GALNTL6: variants seen among roughly 807,000 people sequenced by gnomAD.
GALNTL6 encodes the protein polypeptide N-acetylgalactosaminyltransferase like 6, also known as polypeptide N-acetylgalactosaminyltransferase-like 6.
GALNTL6 carries 46 observed loss-of-function variants against 73.7 expected under a neutral mutation model. The observed-to-expected ratio is 0.62, with a 90% CI of 0.49 to 0.80. The LOEUF (loss-of-function observed/expected upper bound fraction) is 0.80. GALNTL6 is among the 30% of genes least tolerant of loss of function. GALNTL6 has a pLI of 0.00. For synonymous variants in GALNTL6, 259 were observed against 263.7 expected (o/e 0.98, Z 0.17); for missense variants, 604 against 755.0 (o/e 0.80, Z 2.34).
intron 2 of GALNTL6, among the ~76,000 whole-genome samples, chr4:171,845,527 T>C (rs1383431850): frequency 6.6e-6 from 1 of 152,218 alleles, no homozygotes; most frequent in South Asian, 2.1e-4. Context: ...GATGTAAATG[T>C]GGTCCTAAGT....
chr4:171,854,622 C>A (rs1735633307), intron 2 of GALNTL6, among the ~76,000 whole-genome samples: 1 of 152,126 alleles, frequency 6.6e-6, no homozygotes, highest in Non-Finnish European at 1.5e-5. Flanking sequence ...ATATAAACAA[C>A]TGAAGTTTAT....
chr4:171,977,789 T>C (rs1229161466), intron 2 of GALNTL6, among the ~76,000 whole-genome samples: 1 of 152,224 alleles, frequency 6.6e-6, no homozygotes, highest in Non-Finnish European at 1.5e-5. Context: ...TACTTTTGAT[T>C]TTCTGGAATT....
chr4:173,007,638 C>G (rs1414675379), intron 10 of GALNTL6, among the ~76,000 whole-genome samples: 1 of 152,118 alleles, frequency 6.6e-6, no homozygotes, highest in African/African-American at 2.4e-5. Flanking sequence ...GAAACCCCAT[C>G]TCTATAAAAA....
chr4:172,668,840 G>T (rs1731815117), intron 5 of GALNTL6: 1 of 152,152 alleles, frequency 6.6e-6, no homozygotes, highest in African/African-American at 2.4e-5. Flanking sequence ...GAGTGCAGCA[G>T]CTGTGTTTCT....
intron 10 of GALNTL6, among the ~76,000 whole-genome samples, chr4:172,984,886 T>A (rs1751225643): frequency 6.6e-6 from 1 of 152,166 alleles, no homozygotes; most frequent in South Asian, 2.1e-4. Flanking sequence ...ATAATGAACA[T>A]TTTTTATGCA....
chr4:171,836,858 A>G (rs545792597), intron 2 of GALNTL6, among the ~76,000 whole-genome samples: 2 of 152,314 alleles, frequency 1.3e-5, no homozygotes, highest in East Asian at 3.9e-4. Flanking sequence ...TCTCTTCATT[A>G]TAGAAGAGAG....
intron 5 of GALNTL6, among the ~76,000 whole-genome samples, chr4:172,466,419 T>A (rs1046267484): frequency 6.6e-6 from 1 of 152,212 alleles, no homozygotes; most frequent in Non-Finnish European, 1.5e-5. Flanking sequence ...TAAATTTTTT[T>A]ATTTATTTTT....
intron 2 of GALNTL6, among the ~76,000 whole-genome samples, chr4:172,188,477 CA>C (rs1376480279): frequency 2.0e-5 from 3 of 152,130 alleles, no homozygotes; most frequent in African/African-American, 7.2e-5. Flanking sequence ...CAGTGGAGAA[CA>C]AAAGTGACAC....
At chr4:172,057,660 C>T (rs1236094947) in intron 2 of GALNTL6, among the ~76,000 whole-genome samples, 4 of 136,170 alleles carry the variant, frequency 2.9e-5, no homozygotes, top group Non-Finnish European at 6.1e-5. Flanking sequence ...TGAGGAGAGA[C>T]TGCCCACTGA....
chr4:172,605,217 G>A (rs948917199), intron 5 of GALNTL6, among the ~76,000 whole-genome samples: 5 of 152,072 alleles, frequency 3.3e-5, no homozygotes, highest in Non-Finnish European at 7.4e-5. Context: ...TTAAACATAG[G>A]TCTGTAAAGT....
chr4:172,402,280 T>C (rs1455731056), intron 5 of GALNTL6, among the ~76,000 whole-genome samples: 1 of 152,084 alleles, frequency 6.6e-6, no homozygotes, highest in Non-Finnish European at 1.5e-5. Context: ...AAATGATTTT[T>C]TTCCTTATGT....
intron 5 of GALNTL6, among the ~76,000 whole-genome samples, chr4:172,787,726 T>G (rs1739741667): frequency 6.6e-6 from 1 of 152,074 alleles, no homozygotes; most frequent in Non-Finnish European, 1.5e-5. Flanking sequence ...CATTTACAGA[T>G]GACGAGTAGA....
intron 2 of GALNTL6, among the ~76,000 whole-genome samples, chr4:171,818,858 T>C (rs1734603222): frequency 6.6e-6 from 1 of 152,048 alleles, no homozygotes; most frequent in Admixed American, 6.6e-5. Flanking sequence ...ATTCATCTAA[T>C]GTTAATCAGC....
intron 11 of GALNTL6, among the ~76,000 whole-genome samples, chr4:173,014,046 C>A (rs368989073): frequency 1.2e-4 from 18 of 144,334 alleles, no homozygotes; most frequent in Middle Eastern, 3.5e-3. Flanking sequence ...CGTTTTTTTC[C>A]AAAAAAAAAA....
intron 2 of GALNTL6, among the ~76,000 whole-genome samples, chr4:172,125,729 C>T (rs1006892648): frequency 3.3e-5 from 5 of 152,140 alleles, no homozygotes; most frequent in African/African-American, 1.2e-4. Context: ...GATTCTTTCT[C>T]ATAAAAAAAT....
chr4:172,719,784 A>G (rs10008061), intron 5 of GALNTL6, among the ~76,000 whole-genome samples: 47,545 of 152,040 alleles, frequency 0.31, 8,073 homozygotes, highest in Middle Eastern at 0.46. Context: ...GTTTATTAGG[A>G]AAGTAAAGGA....
intron 10 of GALNTL6, 26 bp downstream of exon 10, chr4:172,952,284 C>A (rs763219487): frequency 1.3e-6 from 2 of 1,550,564 alleles, no homozygotes; most frequent in African/African-American, 1.4e-5. Flanking sequence ...CTGAAACCTG[C>A]GCCTACCTAT....
At chr4:172,205,150 C>T (rs1446756709) in intron 2 of GALNTL6, among the ~76,000 whole-genome samples, 3 of 152,174 alleles carry the variant, frequency 2.0e-5, no homozygotes, top group Admixed American at 1.3e-4. Flanking sequence ...TTTAATCACA[C>T]ACATTATATT....
intron 2 of GALNTL6, among the ~76,000 whole-genome samples, chr4:172,095,330 G>A (rs1306991345): frequency 1.3e-5 from 2 of 152,080 alleles, no homozygotes; most frequent in Non-Finnish European, 2.9e-5. Context: ...GTTAATCCCA[G>A]ACCTCAGGAA....
Sources: allele counts gnomAD v4.1 joint callset (sites outside exome capture counted in the v4.1 genomes callset), GRCh38; gene constraint gnomAD v4.1.1; transcripts MANE v1.5; gene names NCBI Gene and HGNC (gene_info 2026-07-23, HGNC 2026-07-21).